The following APC2 variants were observed in gnomAD, a reference collection of about 807,000 sequenced individuals.
APC2 encodes the protein adenomatous polyposis coli protein 2.
In APC2, 41 loss-of-function variants were observed where a neutral mutation model predicts 72.5. The observed-to-expected ratio is 0.57, with a 90% CI of 0.44 to 0.73. The LOEUF (loss-of-function observed/expected upper bound fraction) is 0.73. APC2 is among the 30% of genes least tolerant of loss of function. The probability of loss-of-function intolerance (pLI) is 0.00; values close to 1 mark genes in which losing one functional copy is unlikely to be tolerated. For synonymous variants in APC2, 1,898 were observed against 1,612.0 expected (o/e 1.18, Z -4.25); for missense variants, 3,729 against 3,403.4 (o/e 1.10, Z -2.38).
rs1268584329 is a variant in APC2, at chr19:1,466,359, G to A, written c.3058G>A (p.Gly1020Arg). The A allele has an allele frequency of 6.4e-7, 1 of 1,569,514 alleles. No individual in the cohort carries two copies. Among genetic ancestry groups the A allele is most frequent in the Non-Finnish European group, 8.6e-7 (1 of 1,160,892 alleles). The change falls in exon 15 of 15, where the codon GGA becomes AGA. Residue 1020 changes from glycine (G) to arginine (R), a missense_variant. Physicochemically the swap from Gly to Arg is moderately radical, Grantham distance 125. Coordinates refer to ENST00000590469, the MANE Select transcript of APC2 (RefSeq NM_005883.3). ...RAGAEPLAGP[G>R]ISPGARKQAW... The stretch of plus-strand genomic sequence containing the variant: ...GGGTGCAGAGCCCCTCGCGGGGCCT[G>A]GAATCTCTCCAGGGGCCCGGAAGCA...
rs542589637 is a variant in APC2, at chr19:1,457,863, C to T, written c.1208-102C>T. On this transcript the variant is annotated intron_variant, in intron 9 of 14. Transcript: ENST00000590469. ...ACTTTGCAGCCATTTGCAAAGCTCC[C>T]GGGATCCTTCAGGCCTGGGGCGGGC... 1,052 of 1,000,668 alleles carry T rather than the reference C, an allele frequency of 1.1e-3. 3 individuals carry two copies. The highest frequency in any genetic ancestry group is 1.5e-3 in the Middle Eastern group (5 of 3,254). 62.0% of individuals were successfully genotyped at this position (1,000,668 alleles called of 1,614,324 possible). A position where few individuals can be genotyped will look rare whatever the true frequency, so the allele number is the denominator to read the frequency against.
rs200660071 is a variant in APC2, at chr19:1,466,698, C to A, written c.3397C>A (p.Arg1133=). ...PVAIPAPRRN[R]GRGLGVEDAT... ...AGCCATTCCGGCTCCCCGGCGTAAC[C>A]GAGGCCGGGGCCTGGGGGTGGAAGA... The change falls in exon 15 of 15, where the codon CGA becomes AGA. Residue 1133 remains arginine (R), a synonymous_variant. Transcript: ENST00000590469. The A allele has an allele frequency of 1.2e-5, 19 of 1,521,292 alleles. No individual in the cohort carries two copies. In the East Asian group the frequency reaches 3.4e-4, roughly 27 times the overall value. 94.2% of individuals were successfully genotyped at this position (1,521,292 alleles called of 1,614,324 possible).
At position 1,467,858 on chromosome 19, in the gene APC2, G is replaced by GGCGGCC; in HGVS notation, c.4561_4566dup (p.Ala1521_Ala1522dup). ...GCAACGACTCGGACGAGGAGCCCCC[G>GGCGGCC]GCGGCCGCGCCCACGCCAACCCACC... is the stretch of plus-strand genomic sequence containing the variant. On this transcript the variant is annotated inframe_insertion, in exon 15 of 15. Coordinates refer to ENST00000590469, the MANE Select transcript of APC2 (RefSeq NM_005883.3). 1.3e-6 allele frequency: 2 copies of GGCGGCC among 1,547,766 alleles called. No individual in the cohort carries two copies. Among genetic ancestry groups the GGCGGCC allele is most frequent in the Non-Finnish European group, 1.7e-6 (2 of 1,155,856 alleles).
At chr19:1,454,247 C>G (rs1307661642) in intron 4 of APC2, among the ~76,000 whole-genome samples, 1 of 152,124 alleles carries the variant, frequency 6.6e-6, no homozygotes, top group African/African-American at 2.4e-5. Context: ...GCACTTTGAG[C>G]CTGAAGCTAC....
At chr19:1,461,195 G>A (rs887331927) in intron 13 of APC2, 42 bp downstream of exon 13, 4 of 1,522,390 alleles carry the variant, frequency 2.6e-6, no homozygotes, top group East Asian at 2.2e-5. Context: ...TTCAGTCACT[G>A]GAAGGAGACT....
intron 14 of APC2, among the ~76,000 whole-genome samples, chr19:1,462,502 A>G (rs2083942324): frequency 6.6e-6 from 1 of 151,494 alleles, no homozygotes; most frequent in Non-Finnish European, 1.5e-5. Flanking sequence ...CTAAAAATAT[A>G]AAATTAGCCA....
rs748094372 is a variant in APC2 at position 1,466,357 on chromosome 19, C to G, written c.3056C>G (p.Pro1019Arg). 5.1e-6 allele frequency: 8 copies of G among 1,568,430 alleles called. No individual in the cohort carries two copies. The South Asian group carries it at 8.0e-5, about 16-fold the overall frequency. ...SRAGAEPLAG[P>R]GISPGARKQA... The stretch of plus-strand genomic sequence containing the variant: ...GCGGGTGCAGAGCCCCTCGCGGGGC[C>G]TGGAATCTCTCCAGGGGCCCGGAAG... Residue 1019 changes from proline (P) to arginine (R), a missense_variant, in exon 15 of 15, where the codon CCT becomes CGT. Physicochemically the swap from Pro to Arg is moderately radical, Grantham distance 103. Coordinates refer to ENST00000590469, the MANE Select transcript of APC2 (RefSeq NM_005883.3).
In APC2 at chr19:1,471,211, T is replaced by G. The variant is rs1313449572; in HGVS notation, c.*998T>G. On this transcript the variant is annotated 3_prime_UTR_variant, in exon 15 of 15. Transcript: ENST00000590469. ...CCTGCACGTTACGGAGACCATCACATGTGGGCGTGGTCAGTGCCCAGGACC... is the reference window on the plus strand; with the variant it reads ...CCTGCACGTTACGGAGACCATCACAGGTGGGCGTGGTCAGTGCCCAGGACC... 1 of 152,452 alleles carries G rather than the reference T, an allele frequency of 6.6e-6. No homozygotes were observed. The highest frequency in any genetic ancestry group is 6.5e-5 in the Admixed American group (1 of 15,286). The allele number at this position is 152,452 out of a possible 1,614,324, so 9.4% of individuals were successfully genotyped here.
chr19:1,447,486 G>A (rs958350589), upstream of APC2, among the ~76,000 whole-genome samples: 4 of 152,150 alleles, frequency 2.6e-5, no homozygotes, highest in African/African-American at 9.7e-5. Context: ...CCAGGGAGGA[G>A]CCTAGGTCGG....
In APC2 at chr19:1,461,105, G is replaced by A. The variant is rs758923108; in HGVS notation, c.1590G>A (p.Glu530=). The stretch of plus-strand genomic sequence containing the variant: ...TCAACAGCAAGAAGGTGCTGAGGGA[G>A]GCGGGCAGCGTGACTGCCCTGGTGC... ...ADINSKKVLR[E]AGSVTALVQC... The change falls in exon 13 of 15, where the codon GAG becomes GAA. Residue 530 remains glutamate, a synonymous_variant. Coordinates refer to ENST00000590469, the MANE Select transcript of APC2 (RefSeq NM_005883.3). The A allele has an allele frequency of 4.3e-6, 7 of 1,613,160 alleles. No individual in the cohort carries two copies. The African/African-American group carries it at 6.7e-5, about 15-fold the overall frequency.
chr19:1,457,895 C>CTGGGGGGGG, intron 9 of APC2, 70 bp from the exon 10 acceptor site: 12 of 1,233,424 alleles, frequency 9.7e-6, no homozygotes, highest in Admixed American at 2.3e-5. Flanking sequence ...GGGCGGGTTG[C>CTGGGGGGGG]GGGACCTTCG....
Position 1,468,175 on chromosome 19 carries a change from CGGA to C in APC2, c.4879_4881del (p.Glu1627del). Reference sequence around the variant, plus strand: ...GACAGCTCGCCCAGCCCGCGGGCCGCGGAGGAGCTTCTGCAGCGGTGCATCAGC... The same window carrying C: ...GACAGCTCGCCCAGCCCGCGGGCCGCGGAGCTTCTGCAGCGGTGCATCAGC... On this transcript the variant is annotated inframe_deletion, in exon 15 of 15. Coordinates refer to ENST00000590469, the MANE Select transcript of APC2 (RefSeq NM_005883.3). 2 of 1,452,512 alleles carry C rather than the reference CGGA, an allele frequency of 1.4e-6. No homozygotes were observed. The highest frequency in any genetic ancestry group is 1.8e-6 in the Non-Finnish European group (2 of 1,111,596). 90.0% of individuals were successfully genotyped at this position (1,452,512 alleles called of 1,614,324 possible).
Position 1,469,477 on chromosome 19 carries a change from AGCGGCCCCCC to A in APC2, c.6184_6193del (p.Pro2062AspfsTer270). ...CGGCAGGGCCCGGCCCCGGCCCGGC[AGCGGCCCCCC>A]GCGGCCCGACCCAGCCCTGGCGAGC... On this transcript the variant is annotated frameshift_variant, in exon 15 of 15. Transcript: ENST00000590469. LOFTEE classifies it low-confidence loss of function (END_TRUNC). 1.8e-6 allele frequency: 2 copies of A among 1,112,428 alleles called. No homozygotes were observed. The highest frequency in any genetic ancestry group is 2.2e-6 in the Non-Finnish European group (2 of 916,066). 68.9% of individuals were successfully genotyped at this position (1,112,428 alleles called of 1,614,324 possible). A position where few individuals can be genotyped will look rare whatever the true frequency, so the allele number is the denominator to read the frequency against.
At position 1,470,335 on chromosome 19, in the gene APC2, C is replaced by G; in HGVS notation, c.*122C>G. On this transcript the variant is annotated 3_prime_UTR_variant, in exon 15 of 15. Transcript: ENST00000590469. ...CCCAGGGCCTCTGCCCACCCGAGCC[C>G]CACCACTCTCAGAACCCCCGCCCAG... The G allele has an allele frequency of 2.3e-6, 3 of 1,310,266 alleles. No homozygotes were observed. Among genetic ancestry groups the G allele is most frequent in the Non-Finnish European group, 3.0e-6 (3 of 1,001,784 alleles). The allele number at this position is 1,310,266 out of a possible 1,614,324, so 81.2% of individuals were successfully genotyped here. A position where few individuals can be genotyped will look rare whatever the true frequency, so the allele number is the denominator to read the frequency against.
In APC2 at chr19:1,465,509, G is replaced by A. The variant is rs2145230578; in HGVS notation, c.2208G>A (p.Ala736=). 5 of 1,524,488 alleles carry A rather than the reference G, an allele frequency of 3.3e-6. No individual in the cohort carries two copies. The South Asian group carries it at 3.6e-5, about 11-fold the overall frequency. The allele number at this position is 1,524,488 out of a possible 1,614,324, so 94.4% of individuals were successfully genotyped here. ...LEAELDARHL[A]QALEHLEKQG... is the part of the protein sequence containing the mutation. ...CCGAGCTGGACGCACGGCACCTCGCGCAGGCGCTGGAGCACCTGGAGAAGC... is the reference window on the plus strand; with the variant it reads ...CCGAGCTGGACGCACGGCACCTCGCACAGGCGCTGGAGCACCTGGAGAAGC... Residue 736 remains alanine (A), a synonymous_variant, in exon 15 of 15, where the codon GCG becomes GCA. Coordinates refer to ENST00000590469, the MANE Select transcript of APC2 (RefSeq NM_005883.3).
chr19:1,456,862 G>C lies in APC2; in HGVS notation c.826G>C (p.Val276Leu). Residue 276 changes from valine (V) to leucine (L), a missense_variant, in exon 9 of 15, where the codon GTC becomes CTC. Transcript: ENST00000590469. The stretch of plus-strand genomic sequence containing the variant: ...CCTGCCCTCCCCCCAGGTGGAGGTG[G>C]TCTTCTGGCTGTTGTCCATGTTGGC... Reference protein sequence around the residue: ...PQPGNSKVEVVFWLLSMLATR... With the variant: ...PQPGNSKVEVLFWLLSMLATR... The C allele has an allele frequency of 5.6e-6, 9 of 1,596,708 alleles. No individual in the cohort carries two copies. Among genetic ancestry groups the C allele is most frequent in the Non-Finnish European group, 7.6e-6 (9 of 1,176,892 alleles).
At chr19:1,446,288 A>C (rs2145165883), upstream of APC2, 1 of 981,996 alleles carries the variant, frequency 1.0e-6, no homozygotes, top group Middle Eastern at 5.2e-4. The surrounding 1 kb of genome is among the most constrained non-coding windows in gnomAD (Gnocchi z 6.1). Context: ...CCGCGGCTCC[A>C]TGGGGCTCCT....
rs1368385598 is a variant in APC2 at position 1,473,040 on chromosome 19, T to G, written c.*2827T>G. 2.0e-5 allele frequency: 3 copies of G among 152,330 alleles called. No homozygotes were observed. Among genetic ancestry groups the G allele is most frequent in the Non-Finnish European group, 4.4e-5 (3 of 68,136 alleles). The allele number at this position is 152,330 out of a possible 1,614,324, so 9.4% of individuals were successfully genotyped here. Reference sequence around the variant, plus strand: ...ATCTGTTGCCCCGGTCCAGCCCTGATGGCGCGCGCCTGGTCTGTCTGATTC... The same window carrying G: ...ATCTGTTGCCCCGGTCCAGCCCTGAGGGCGCGCGCCTGGTCTGTCTGATTC... On this transcript the variant is annotated 3_prime_UTR_variant, in exon 15 of 15. Transcript: ENST00000590469.
intron 10 of APC2, 22 bp from the exon 11 acceptor site, chr19:1,460,159 C>G: frequency 6.2e-7 from 1 of 1,612,794 alleles, no homozygotes; most frequent in Non-Finnish European, 8.5e-7. Context: ...TGCCACCCAC[C>G]AACCTTGTTG....
Sources: allele counts gnomAD v4.1 joint callset (sites outside exome capture counted in the v4.1 genomes callset), GRCh38; gene constraint gnomAD v4.1.1; non-coding constraint Gnocchi (gnomAD v3.1); transcripts MANE v1.5; gene names NCBI Gene and HGNC (gene_info 2026-07-23, HGNC 2026-07-21).